Variants in SPIRE1 observed in about 807,000 individuals in gnomAD.
The protein encoded by SPIRE1 is spire type actin nucleation factor 1.
SPIRE1 carries 40 observed loss-of-function variants against 94.1 expected under a neutral mutation model. The ratio of observed to expected loss-of-function variants is 0.43; its 90% CI spans 0.33 to 0.55. SPIRE1 has a LOEUF of 0.55. SPIRE1 is among the 20% of genes least tolerant of loss of function. The pLI is 0.06. For synonymous variants in SPIRE1, 376 were observed against 371.7 expected, an observed-to-expected ratio of 1.01 and a Z score of -0.13; for missense variants, 838 against 975.2, an observed-to-expected ratio of 0.86 and a Z score of 1.87.
chr18:12,524,003 ATAAT>A (rs1376718492), intron 4 of SPIRE1, among the ~76,000 whole-genome samples: 1 of 152,224 alleles, frequency 6.6e-6, no homozygotes, highest in Non-Finnish European at 1.5e-5. Context: ...ATACATAAAG[ATAAT>A]TAATTTTGTA....
intron 2 of SPIRE1, among the ~76,000 whole-genome samples, chr18:12,598,033 A>G (rs1419801093): frequency 1.3e-5 from 2 of 151,920 alleles, no homozygotes; most frequent in East Asian, 1.9e-4. Flanking sequence ...TATACAAGAG[A>G]CTAGCTTGAG....
chr18:12,450,707 G>T (rs1430099134), intron 16 of SPIRE1: 1 of 650,592 alleles, frequency 1.5e-6, no homozygotes, highest in Non-Finnish European at 2.8e-6. Context: ...CAAGAAGAAG[G>T]ATCCTAATGC....
intron 6 of SPIRE1, among the ~76,000 whole-genome samples, chr18:12,501,401 T>C (rs2033660104): frequency 6.6e-6 from 1 of 152,154 alleles, no homozygotes; most frequent in Non-Finnish European, 1.5e-5. Flanking sequence ...TTGTTTGTTT[T>C]TGAGACAGAG....
intron 5 of SPIRE1, among the ~76,000 whole-genome samples, chr18:12,510,327 T>C (rs920891542): frequency 6.6e-6 from 1 of 152,100 alleles, no homozygotes; most frequent in Non-Finnish European, 1.5e-5. Flanking sequence ...GTACAAAATA[T>C]ATGTCAAAAT....
At chr18:12,627,188 T>C (rs2037655434) in intron 2 of SPIRE1, among the ~76,000 whole-genome samples, 1 of 151,984 alleles carries the variant, frequency 6.6e-6, no homozygotes, top group African/African-American at 2.4e-5. Flanking sequence ...CATTAGGTAT[T>C]TCTCCTAATG....
At chr18:12,571,873 G>T (rs73407539) in intron 2 of SPIRE1, among the ~76,000 whole-genome samples, 1,724 of 152,224 alleles carry the variant, frequency 0.011, 39 homozygotes, top group African/African-American at 0.039. Flanking sequence ...TTTTGACTTG[G>T]GGAAAACAGA....
intron 4 of SPIRE1, among the ~76,000 whole-genome samples, chr18:12,523,088 C>G (rs1214608279): frequency 6.6e-6 from 1 of 152,136 alleles, no homozygotes; most frequent in Non-Finnish European, 1.5e-5. Context: ...ATTAAGAACA[C>G]TGGTGATTCA....
At chr18:12,632,932 T>G (rs184624957) in intron 2 of SPIRE1, among the ~76,000 whole-genome samples, 60 of 152,364 alleles carry the variant, frequency 3.9e-4, no homozygotes, top group African/African-American at 1.1e-3. Flanking sequence ...TTTCATTACC[T>G]AAATGCAGAT....
At chr18:12,639,886 T>A (rs1054594288) in intron 1 of SPIRE1, among the ~76,000 whole-genome samples, 104 of 150,028 alleles carry the variant, frequency 6.9e-4, no homozygotes, top group Middle Eastern at 3.4e-3. Context: ...AAAAAAAAAA[T>A]TTATTAGACG....
Position 12,454,356 on chromosome 18 carries a change from T to C in SPIRE1, c.1766A>G (p.Lys589Arg), listed in dbSNP as rs1288001940. The C allele has an allele frequency of 1.2e-6, 2 of 1,614,174 alleles. No homozygotes were observed. Residue 589 changes from lysine to arginine, a missense_variant, in exon 13 of 17, where the codon AAA (lysine) becomes AGA (arginine). Physicochemically the swap from Lys to Arg is conservative, Grantham distance 26. Coordinates refer to ENST00000409402, the MANE Select transcript of SPIRE1 (RefSeq NM_001128626.2). ...TTTAAACAGCACTACCTTTCCTTTT[T>C]TCAAGGCGGTGTAGATGTCTTTATA... is the stretch of plus-strand genomic sequence containing the variant. Reference protein sequence around the residue: ...QQYKDIYTALKKGKLCFCCRT... With the variant: ...QQYKDIYTALRKGKLCFCCRT...
At chr18:12,457,499 T>C (rs16977214) in intron 12 of SPIRE1, among the ~76,000 whole-genome samples, 6,583 of 152,276 alleles carry the variant, frequency 0.043, 155 homozygotes, top group South Asian at 0.092. Context: ...TCCCACTGCA[T>C]GTGTTCGGCC....
At chr18:12,536,700 T>C (rs558051237) in intron 3 of SPIRE1, among the ~76,000 whole-genome samples, 1 of 152,264 alleles carries the variant, frequency 6.6e-6, no homozygotes, top group South Asian at 2.1e-4. Context: ...AGGTGCAACT[T>C]AGTATCATGC....
chr18:12,541,317 G>A (rs1335566611), intron 3 of SPIRE1, among the ~76,000 whole-genome samples: 2 of 152,204 alleles, frequency 1.3e-5, no homozygotes, highest in Non-Finnish European at 1.5e-5. Flanking sequence ...GTACTCTGCA[G>A]TGGGTGGGTG....
intron 2 of SPIRE1, among the ~76,000 whole-genome samples, chr18:12,592,723 A>T (rs2036568265): frequency 6.6e-6 from 1 of 152,234 alleles, no homozygotes; most frequent in African/African-American, 2.4e-5. Flanking sequence ...AGTTAGGTAG[A>T]CGACAAAGCA....
At chr18:12,628,897 A>G (rs2037703800) in intron 2 of SPIRE1, among the ~76,000 whole-genome samples, 2 of 152,170 alleles carry the variant, frequency 1.3e-5, no homozygotes, top group African/African-American at 2.4e-5. Flanking sequence ...TTTCTTCAAG[A>G]TGCATGTGGG....
At chr18:12,555,457 A>G (rs906195909) in intron 2 of SPIRE1, among the ~76,000 whole-genome samples, 2 of 152,236 alleles carry the variant, frequency 1.3e-5, no homozygotes, top group African/African-American at 4.8e-5. Flanking sequence ...AACACATTAA[A>G]AAGATCATTC....
At chr18:12,615,879 G>A (rs185837438) in intron 2 of SPIRE1, among the ~76,000 whole-genome samples, 6 of 152,186 alleles carry the variant, frequency 3.9e-5, no homozygotes, top group East Asian at 1.9e-4. Flanking sequence ...GTTCAGTTAC[G>A]GATGATTTAA....
At chr18:12,557,209 C>T (rs922400110) in intron 2 of SPIRE1, among the ~76,000 whole-genome samples, 12 of 152,164 alleles carry the variant, frequency 7.9e-5, no homozygotes, top group Admixed American at 4.6e-4. Flanking sequence ...TGGCGCCCGT[C>T]GGGGAGGCTT....
intron 2 of SPIRE1, among the ~76,000 whole-genome samples, chr18:12,574,842 G>C (rs1306259231): frequency 6.6e-6 from 1 of 152,192 alleles, no homozygotes; most frequent in Non-Finnish European, 1.5e-5. Flanking sequence ...AAAAACTGTG[G>C]TATCACAAAA....
Sources: gnomAD v4.1 joint callset for allele counts (sites outside exome capture counted in the v4.1 genomes callset) on GRCh38, gnomAD v4.1.1 for gene constraint, MANE v1.5 for transcripts, NCBI Gene and HGNC (gene_info 2026-07-23, HGNC 2026-07-21) for gene names.